The following COBL variants were observed in gnomAD, a reference collection of about 807,000 sequenced individuals.
The protein encoded by COBL is cordon-bleu WH2 repeat protein, also known as protein cordon-bleu.
In COBL, 51 loss-of-function variants were observed where a neutral mutation model predicts 98.8. That is an observed-to-expected ratio of 0.52 (90% CI 0.41 to 0.65). The LOEUF (loss-of-function observed/expected upper bound fraction) is 0.65, where lower values mean the gene tolerates loss of function less well. COBL is among the 30% of genes least tolerant of loss of function. The pLI, the probability that COBL is intolerant of heterozygous loss-of-function variation, is 0.00. For synonymous variants in COBL, 634 were observed against 651.7 expected (o/e 0.97, Z 0.41); for missense variants, 1,617 against 1,617.5 (o/e 1.00, Z 0.01).
chr7:51,284,078 G>T (rs1465986180), intron 1 of COBL, among the ~76,000 whole-genome samples: 2 of 138,684 alleles, frequency 1.4e-5, no homozygotes, highest in Non-Finnish European at 3.0e-5. Context: ...AAAGTCAGGA[G>T]ATCGAGACCA....
At position 51,131,663 on chromosome 7, in the gene COBL, G is replaced by A. The variant is rs146195158; in HGVS notation, c.957+4495C>T. ...GGCTAGAGTGCAGTGGCACGATCTC[G>A]GCCCACTGCAACCCCCACCTTCCAG... On this transcript the variant is annotated intron_variant, in intron 6 of 12. Coordinates refer to ENST00000265136, the MANE Select transcript of COBL (RefSeq NM_015198.5). 7.2e-3 allele frequency among the ~76,000 whole-genome samples: 1,078 copies of A among 150,468 alleles called. 12 individuals carry two copies. The highest frequency in any genetic ancestry group is 0.024 in the African/African-American group (989 of 40,874).
At chr7:51,041,478 CTTTTTTTTTTTT>C (rs773830122) in intron 8 of COBL, among the ~76,000 whole-genome samples, 2 of 80,024 alleles carry the variant, frequency 2.5e-5, no homozygotes, top group African/African-American at 4.8e-5. Context: ...TATTTCTTTC[CTTTTTTTTTTTT>C]TTTTTTTTTT....
intron 1 of COBL, among the ~76,000 whole-genome samples, chr7:51,283,777 A>G (rs1050768974): frequency 6.6e-6 from 1 of 152,118 alleles, no homozygotes; most frequent in African/African-American, 2.4e-5. Context: ...GAGCCACCGC[A>G]TCTGGCCAAA....
intron 5 of COBL, among the ~76,000 whole-genome samples, chr7:51,140,464 T>C (rs1799634864): frequency 6.6e-6 from 1 of 152,180 alleles, no homozygotes; most frequent in African/African-American, 2.4e-5. Flanking sequence ...ATAAAACCAG[T>C]ATCATCTGCC....
intron 2 of COBL, 81 bp downstream of exon 2, chr7:51,219,660 A>AC: frequency 6.9e-7 from 1 of 1,439,702 alleles, no homozygotes; most frequent in South Asian, 1.3e-5. Context: ...AAAATGCAAT[A>AC]CATCAACATC....
chr7:51,133,467 G>A (rs555231150), intron 6 of COBL, among the ~76,000 whole-genome samples: 12 of 152,290 alleles, frequency 7.9e-5, no homozygotes, highest in African/African-American at 2.4e-4. Flanking sequence ...GGTTCTCAAA[G>A]TGGGGTTCAC....
intron 5 of COBL, among the ~76,000 whole-genome samples, chr7:51,141,121 C>T (rs750412224): frequency 4.0e-5 from 6 of 148,632 alleles, no homozygotes; most frequent in African/African-American, 7.5e-5. Context: ...CTGTTTAAAT[C>T]GATTTAAAAA....
chr7:51,213,043 T>G (rs1792608979), intron 2 of COBL, among the ~76,000 whole-genome samples: 1 of 152,250 alleles, frequency 6.6e-6, no homozygotes, highest in Non-Finnish European at 1.5e-5. Flanking sequence ...AAAACAAATT[T>G]AATTTGCATG....
intron 1 of COBL, among the ~76,000 whole-genome samples, chr7:51,229,987 C>G (rs1488122024): frequency 1.3e-5 from 2 of 152,162 alleles, no homozygotes; most frequent in Non-Finnish European, 2.9e-5. Context: ...CCTTTAGCCC[C>G]TGCTGCCTTA....
intron 6 of COBL, among the ~76,000 whole-genome samples, chr7:51,096,325 A>G (rs1228178507): frequency 6.6e-6 from 1 of 152,132 alleles, no homozygotes; most frequent in Non-Finnish European, 1.5e-5. Flanking sequence ...AGACAAATGA[A>G]AATAAAACCA....
intron 6 of COBL, among the ~76,000 whole-genome samples, chr7:51,088,235 T>C (rs1339525999): frequency 6.6e-6 from 1 of 152,164 alleles, no homozygotes; most frequent in Non-Finnish European, 1.5e-5. Flanking sequence ...AACTTTTTCT[T>C]TCCTCTGTTT....
chr7:51,314,585 C>T (rs1359844304), intron 1 of COBL, among the ~76,000 whole-genome samples: 1 of 152,124 alleles, frequency 6.6e-6, no homozygotes, highest in Non-Finnish European at 1.5e-5. Flanking sequence ...CACAAAATTG[C>T]TTATTAAACA....
In COBL at chr7:51,203,339, G is replaced by A. The variant is rs1584155926; in HGVS notation, c.246-9750C>T. On this transcript the variant is annotated intron_variant, in intron 2 of 12. Transcript: ENST00000265136. ...TAGCCGGGTGTAGTGGCGGGCGCCT[G>A]TAGTCCCAGCTACTCGGGAGGCTGA... Among the ~76,000 whole-genome samples, 2 of 140,412 alleles carry A rather than the reference G, an allele frequency of 1.4e-5. 1 individual carries two copies. The highest frequency in any genetic ancestry group is 1.4e-4 in the Admixed American group (2 of 14,328). The allele number at this position is 140,412 out of a possible 152,430, so 92.1% of individuals were successfully genotyped here.
intron 6 of COBL, among the ~76,000 whole-genome samples, chr7:51,119,676 G>A (rs1409951067): frequency 6.6e-6 from 1 of 152,066 alleles, no homozygotes; most frequent in African/African-American, 2.4e-5. Context: ...CCACATCAAC[G>A]GGTCAAATAT....
In COBL at chr7:51,028,393, T is replaced by G; in HGVS notation, c.2703A>C (p.Pro901=). 1 of 1,614,268 alleles carries G rather than the reference T, an allele frequency of 6.2e-7. No homozygotes were observed. Among genetic ancestry groups the G allele is most frequent in the Non-Finnish European group, 8.5e-7 (1 of 1,180,042 alleles). Residue 901 remains proline (P), a synonymous_variant, in exon 10 of 13, where the codon CCA becomes CCC. Coordinates refer to ENST00000265136, the MANE Select transcript of COBL (RefSeq NM_015198.5). ...YAEKGYAGKA[P]VLAAPPVTVK... ...CAGTGACAGGTGGTGCAGCCAGCAC[T>G]GGCGCCTTGCCTGCATAACCCTTCT... is the stretch of plus-strand genomic sequence containing the variant.
chr7:51,210,857 AC>A (rs1013685797), intron 2 of COBL, among the ~76,000 whole-genome samples: 3 of 152,034 alleles, frequency 2.0e-5, no homozygotes, highest in African/African-American at 7.2e-5. Flanking sequence ...CAAATGCCAA[AC>A]TCCAAACAGC....
chr7:51,136,244 C>G lies in COBL; in HGVS notation c.871G>C (p.Val291Leu), dbSNP rs1799227121. ...PSLSLGSISGVSVKSEMKKRR... is the reference protein window; with the variant it reads ...PSLSLGSISGLSVKSEMKKRR... ...TTCTTCATCTCCGACTTCACGGACA[C>G]CCCTGAGATGCTGCCCAGCGAGAGG... Residue 291 changes from valine (V) to leucine (L), a missense_variant, in exon 6 of 13, where the codon GTG becomes CTG. This residue lies in a region of COBL where 1,304 missense variants were observed against 1,282.0 expected (regional missense o/e 1.02). Transcript: ENST00000265136. The G allele has an allele frequency of 6.2e-7, 1 of 1,613,788 alleles. No individual in the cohort carries two copies. Among genetic ancestry groups the G allele is most frequent in the South Asian group, 1.1e-5 (1 of 91,064 alleles).
chr7:51,316,072 G>A (rs1803542571), intron 1 of COBL, among the ~76,000 whole-genome samples: 2 of 152,284 alleles, frequency 1.3e-5, no homozygotes, highest in East Asian at 1.9e-4. Flanking sequence ...CGGGGCCCGG[G>A]CGGCTGCGAA....
chr7:51,250,532 T>C (rs1471679367), intron 1 of COBL, among the ~76,000 whole-genome samples: 1 of 152,004 alleles, frequency 6.6e-6, no homozygotes, highest in Non-Finnish European at 1.5e-5. Flanking sequence ...AATGACAGAG[T>C]GGGAGGAATT....
Sources: allele counts gnomAD v4.1 joint callset (sites outside exome capture counted in the v4.1 genomes callset), GRCh38; gene constraint gnomAD v4.1.1; regional missense constraint gnomAD v4.1.1; transcripts MANE v1.5; gene names NCBI Gene and HGNC (gene_info 2026-07-23, HGNC 2026-07-21).